SND1: variants seen among roughly 807,000 people sequenced by gnomAD.
The protein encoded by SND1 is staphylococcal nuclease domain-containing protein 1.
SND1 carries 38 observed loss-of-function variants against 121.7 expected under a neutral mutation model. The observed-to-expected ratio is 0.31, with a 90% CI of 0.24 to 0.41. SND1 has a LOEUF of 0.41. SND1 is among the 10% of genes least tolerant of loss of function. SND1 has a pLI of 1.00. For synonymous variants in SND1, 401 were observed against 447.4 expected, an observed-to-expected ratio of 0.90 and a Z score of 1.31; for missense variants, 868 against 1,184.6, an observed-to-expected ratio of 0.73 and a Z score of 3.92.
chr7:127,748,159 A>G (rs1479650037), intron 10 of SND1, among the ~76,000 whole-genome samples: 5 of 152,188 alleles, frequency 3.3e-5, no homozygotes, highest in Non-Finnish European at 7.3e-5. Context: ...GAATCATTCC[A>G]TGTTGTCTCC....
chr7:127,770,736 G>C (rs975328754), intron 10 of SND1, among the ~76,000 whole-genome samples: 1 of 151,974 alleles, frequency 6.6e-6, no homozygotes, highest in Non-Finnish European at 1.5e-5. Flanking sequence ...AAAAAAAAGT[G>C]GTGGAATGAA....
rs1253314853 is a variant in SND1, at chr7:128,029,178, G to T, written c.1779+38122G>T. ...CTGAATGAGCACCGTGGTAGAGGTG[G>T]TATATGCCGGCTGGTAACCAGTGGA... On this transcript the variant is annotated intron_variant, in intron 16 of 23. Transcript: ENST00000354725. The surrounding 1 kb of genome is among the most constrained non-coding windows in gnomAD (Gnocchi z 4.2). 2 of 1,613,988 alleles carry T rather than the reference G, an allele frequency of 1.2e-6. No individual in the cohort carries two copies. The highest frequency in any genetic ancestry group is 1.7e-6 in the Non-Finnish European group (2 of 1,180,024).
At chr7:127,742,006 TAAGATTTACAATC>T (rs1796889053) in intron 10 of SND1, among the ~76,000 whole-genome samples, 1 of 152,200 alleles carries the variant, frequency 6.6e-6, no homozygotes, top group Non-Finnish European at 1.5e-5. Flanking sequence ...AACCGAGCAT[TAAGATTTACAATC>T]TAGCTTTTCT....
chr7:128,038,619 T>G (rs1453219917), intron 16 of SND1, among the ~76,000 whole-genome samples: 1 of 152,206 alleles, frequency 6.6e-6, no homozygotes, highest in Non-Finnish European at 1.5e-5. Flanking sequence ...ACCTAATTTA[T>G]AACTTTCAAT....
chr7:127,728,286 G>A (rs541181972), intron 10 of SND1, among the ~76,000 whole-genome samples: 2 of 152,150 alleles, frequency 1.3e-5, no homozygotes, highest in South Asian at 4.2e-4. Flanking sequence ...TGAACTGGGT[G>A]CATTTACTTC....
chr7:128,069,206 G>C (rs1562888641), intron 16 of SND1, among the ~76,000 whole-genome samples: 1 of 152,196 alleles, frequency 6.6e-6, no homozygotes, highest in Admixed American at 6.5e-5. Flanking sequence ...TTCAGAGTCA[G>C]GGAGAATAAA....
intron 1 of SND1, among the ~76,000 whole-genome samples, chr7:127,677,496 C>T (rs867501094): frequency 2.5e-4 from 38 of 152,248 alleles, no homozygotes; most frequent in Admixed American, 9.2e-4. Flanking sequence ...GCTATTTAGA[C>T]GACCATAAAA....
intron 16 of SND1, among the ~76,000 whole-genome samples, chr7:128,018,749 C>A (rs941037603): frequency 1.3e-5 from 2 of 152,210 alleles, no homozygotes; most frequent in Non-Finnish European, 2.9e-5. Flanking sequence ...CTCCCTACCC[C>A]CTACTCAAGA....
At position 127,722,307 on chromosome 7, in the gene SND1, C is replaced by CTT. The variant is rs34026000; in HGVS notation, c.1152+922_1152+923dup. On this transcript the variant is annotated intron_variant, in intron 10 of 23. Coordinates refer to ENST00000354725, the MANE Select transcript of SND1 (RefSeq NM_014390.4). ...TGCTGTGTGTACTATCTACTGCCTG[C>CTT]TTTTTTTTTTTTTTTTAAGAAACAG... Among the ~76,000 whole-genome samples, 396 of 139,324 alleles carry CTT rather than the reference C, an allele frequency of 2.8e-3. 1 individual carries two copies. Among genetic ancestry groups the CTT allele is most frequent in the African/African-American group, 6.8e-3 (255 of 37,610 alleles). 91.4% of individuals were successfully genotyped at this position (139,324 alleles called of 152,430 possible).
At chr7:127,841,899 T>C (rs1330634960) in intron 11 of SND1, among the ~76,000 whole-genome samples, 1 of 152,188 alleles carries the variant, frequency 6.6e-6, no homozygotes, top group Non-Finnish European at 1.5e-5. Context: ...ATTTTCTTAC[T>C]TTCTGTGTTG....
At chr7:127,751,322 G>A (rs981543525) in intron 10 of SND1, among the ~76,000 whole-genome samples, 2 of 152,152 alleles carry the variant, frequency 1.3e-5, no homozygotes, top group African/African-American at 4.8e-5. Flanking sequence ...CGATACTTGA[G>A]TCATTTGATA....
intron 12 of SND1, among the ~76,000 whole-genome samples, chr7:127,863,985 G>T (rs534299156): frequency 1.3e-5 from 2 of 152,208 alleles, no homozygotes; most frequent in South Asian, 2.1e-4. Flanking sequence ...TGAGAGAAAA[G>T]TACCTCAAGA....
At chr7:127,808,751 G>A (rs75431134) in intron 11 of SND1, among the ~76,000 whole-genome samples, 2,143 of 152,306 alleles carry the variant, frequency 0.014, 26 homozygotes, top group Non-Finnish European at 0.017. Context: ...GGTGGAGTAC[G>A]AATGATGGCT....
intron 14 of SND1, chr7:127,928,196 C>G (rs1167366425): frequency 6.6e-6 from 1 of 152,188 alleles, no homozygotes; most frequent in Admixed American, 6.5e-5. Flanking sequence ...GGTTTTTAAA[C>G]TGCTATTCCG....
intron 14 of SND1, among the ~76,000 whole-genome samples, chr7:127,926,741 G>GTT (rs1173114138): frequency 2.8e-4 from 42 of 148,334 alleles, no homozygotes; most frequent in African/African-American, 1.1e-3. Flanking sequence ...TGTTGTTGTT[G>GTT]TTGTTGTTGT....
rs942529556 is a variant in SND1, at chr7:127,979,899, A to T, written c.1670-11048A>T. The stretch of plus-strand genomic sequence containing the variant: ...CAGTGGGCAGACTTAGTCTTCAGGA[A>T]GTTGTCTGTTGTTCCCTGCTTTAGA... On this transcript the variant is annotated intron_variant, in intron 15 of 23. Coordinates refer to ENST00000354725, the MANE Select transcript of SND1 (RefSeq NM_014390.4). Among the ~76,000 whole-genome samples, 10 of 152,270 alleles carry T rather than the reference A, an allele frequency of 6.6e-5. No individual in the cohort carries two copies. In the East Asian group the frequency reaches 1.9e-3, roughly 29 times the overall value.
At chr7:127,978,971 G>A (rs1802193954) in intron 15 of SND1, among the ~76,000 whole-genome samples, 1 of 152,084 alleles carries the variant, frequency 6.6e-6, no homozygotes, top group African/African-American at 2.4e-5. Context: ...ACAGACGTGA[G>A]CCACCACACC....
At chr7:127,686,537 A>T in intron 1 of SND1, 76 bp from the exon 2 acceptor site, 1 of 1,470,790 alleles carries the variant, frequency 6.8e-7, no homozygotes, top group Non-Finnish European at 9.3e-7. Context: ...AATGTTGGGG[A>T]TACGGTGGTA....
At chr7:128,010,871 T>C (rs1394526119) in intron 16 of SND1, among the ~76,000 whole-genome samples, 1 of 152,204 alleles carries the variant, frequency 6.6e-6, no homozygotes, top group African/African-American at 2.4e-5. Flanking sequence ...CCAGAGCCCC[T>C]GTGGAGCCGC....
Sources: allele counts gnomAD v4.1 joint callset (sites outside exome capture counted in the v4.1 genomes callset), GRCh38; gene constraint gnomAD v4.1.1; non-coding constraint Gnocchi (gnomAD v3.1); transcripts MANE v1.5; gene names NCBI Gene and HGNC (gene_info 2026-07-23, HGNC 2026-07-21).